Variants in NCAPD3 observed in about 807,000 individuals in gnomAD.
The protein encoded by NCAPD3 is condensin-2 complex subunit D3.
In NCAPD3, 105 loss-of-function variants were observed where a neutral mutation model predicts 182.9. The ratio of observed to expected loss-of-function variants is 0.57; its 90% CI spans 0.49 to 0.68. NCAPD3 has a LOEUF of 0.68. NCAPD3 is among the 30% of genes least tolerant of loss of function. The pLI, the probability that NCAPD3 is intolerant of heterozygous loss-of-function variation, is 0.00. For synonymous variants in NCAPD3, 815 were observed against 679.9 expected (o/e 1.20, Z -3.09); for missense variants, 1,944 against 1,837.0 (o/e 1.06, Z -1.07).
intron 3 of NCAPD3, among the ~76,000 whole-genome samples, chr11:134,212,255 T>C (rs1417092268): frequency 1.3e-5 from 2 of 152,252 alleles, no homozygotes; most frequent in East Asian, 1.9e-4. Context: ...AAGCTGTTTA[T>C]CTTGTTTCTA....
Position 134,178,873 on chromosome 11 carries a change from T to G in NCAPD3, c.2623A>C (p.Ile875Leu), listed in dbSNP as rs1157524938. The G allele has an allele frequency of 6.2e-7, 1 of 1,614,142 alleles. No homozygotes were observed. Among genetic ancestry groups the G allele is most frequent in the East Asian group, 2.2e-5 (1 of 44,890 alleles). ...QLCPARVEKR[I>L]FLLIQSVLAS... ...AGGACGGACTGAATCAGAAGGAAGA[T>G]GCGCTTCTCCACCCTGGCTGGACAC... The change falls in exon 21 of 35, where the codon ATC (isoleucine) becomes CTC (leucine). Residue 875 changes from isoleucine (I) to leucine (L), a missense_variant. Ile to Leu is a conservative substitution (Grantham distance 5). Transcript: ENST00000534548.
rs184057341 is a variant in NCAPD3 at position 134,188,588 on chromosome 11, G to A, written c.2046-3062C>T. Among the ~76,000 whole-genome samples, 18 of 152,250 alleles carry A rather than the reference G, an allele frequency of 1.2e-4. No individual in the cohort carries two copies. In the East Asian group the frequency reaches 3.5e-3, roughly 29 times the overall value. On this transcript the variant is annotated intron_variant, in intron 16 of 34. Coordinates refer to ENST00000534548, the MANE Select transcript of NCAPD3 (RefSeq NM_015261.3). ...AGTGAGATGACAAACCCACCAGGAG[G>A]AACAAACAACTCCGGATGTGCCACC...
intron 20 of NCAPD3, among the ~76,000 whole-genome samples, chr11:134,180,638 T>A (rs968216750): frequency 6.6e-6 from 1 of 152,244 alleles, no homozygotes; most frequent in African/African-American, 2.4e-5. Context: ...CAGTCATTAC[T>A]TGGCAATTGC....
chr11:134,167,134 T>A (rs1211490867), intron 27 of NCAPD3, among the ~76,000 whole-genome samples: 1 of 112,738 alleles, frequency 8.9e-6, no homozygotes, highest in Non-Finnish European at 1.8e-5. Flanking sequence ...TGAGATGAGC[T>A]TGGGGGAGGG....
At chr11:134,155,415 G>C (rs1033175795) in intron 32 of NCAPD3, among the ~76,000 whole-genome samples, 1 of 152,132 alleles carries the variant, frequency 6.6e-6, no homozygotes, top group Non-Finnish European at 1.5e-5. Context: ...ATTTCTTCCT[G>C]GTTCAGTATA....
At chr11:134,162,407 A>G (rs942876578) in intron 27 of NCAPD3, among the ~76,000 whole-genome samples, 34 of 152,308 alleles carry the variant, frequency 2.2e-4, no homozygotes, top group African/African-American at 8.2e-4. Context: ...ATGAATTTAT[A>G]TATATAGTAC....
chr11:134,169,530 G>A (rs1425902377), intron 24 of NCAPD3, among the ~76,000 whole-genome samples: 2 of 152,158 alleles, frequency 1.3e-5, no homozygotes, highest in South Asian at 2.1e-4. Context: ...CAAGAATAAG[G>A]ATTAATGACA....
At chr11:134,167,848 G>A in intron 27 of NCAPD3, 148 bp downstream of exon 27, 2 of 777,582 alleles carry the variant, frequency 2.6e-6, no homozygotes, top group Non-Finnish European at 4.2e-6. Context: ...ATGAGCTTGG[G>A]GGAGCAGCAC....
chr11:134,206,648 C>G lies in NCAPD3; in HGVS notation c.967G>C (p.Val323Leu). 6.2e-7 allele frequency: 1 copy of G among 1,613,678 alleles called. No individual in the cohort carries two copies. Among genetic ancestry groups the G allele is most frequent in the Non-Finnish European group, 8.5e-7 (1 of 1,179,866 alleles). The change falls in exon 8 of 35, where the codon GTT becomes CTT. Residue 323 changes from valine to leucine, a missense_variant. By Grantham distance (32) the Val-to-Leu change is conservative (BLOSUM62 1). Transcript: ENST00000534548. ...CTACAGTTGATGACTTGGGAGGTAA[C>G]AGCAAGGGGGGCACGATGGGATCCT... Reference protein sequence around the residue: ...GEGSHRAPLAVTSQVINCRNQ... With the variant: ...GEGSHRAPLALTSQVINCRNQ...
chr11:134,188,284 C>T (rs1176105740), intron 16 of NCAPD3, among the ~76,000 whole-genome samples: 3 of 152,052 alleles, frequency 2.0e-5, no homozygotes, highest in African/African-American at 7.2e-5. Flanking sequence ...TCTGTAAAAA[C>T]GTACCAATCA....
chr11:134,181,296 G>C (rs1334553408), intron 19 of NCAPD3, 112 bp from the exon 20 acceptor site: 3 of 674,812 alleles, frequency 4.4e-6, no homozygotes, highest in Non-Finnish European at 7.5e-6. Context: ...GGCTGTAGGG[G>C]TGCTTCCTAG....
chr11:134,155,652 A>T (rs1943398599), intron 32 of NCAPD3, among the ~76,000 whole-genome samples: 1 of 152,178 alleles, frequency 6.6e-6, no homozygotes. Flanking sequence ...ACTCAGGATG[A>T]GCACAACGAA....
chr11:134,221,073 C>A (rs754407103), intron 1 of NCAPD3, among the ~76,000 whole-genome samples: 66 of 152,276 alleles, frequency 4.3e-4, no homozygotes, highest in Middle Eastern at 3.4e-3. Flanking sequence ...TCAGATTGCC[C>A]ACGAGGTTCC....
At chr11:134,223,810 G>A in intron 1 of NCAPD3, 53 bp downstream of exon 1, 3 of 1,583,488 alleles carry the variant, frequency 1.9e-6, no homozygotes, top group Non-Finnish European at 2.6e-6. Context: ...CATCGTCGGG[G>A]ACGCATAGGA....
chr11:134,158,276 G>T, intron 30 of NCAPD3, 53 bp downstream of exon 30: 1 of 1,605,210 alleles, frequency 6.2e-7, no homozygotes, highest in South Asian at 1.1e-5. Flanking sequence ...GGACGCCTCT[G>T]AGAACATCGC....
rs1943257591 is a variant in NCAPD3, at chr11:134,152,126, T to C, written c.*818A>G. On this transcript the variant is annotated 3_prime_UTR_variant, in exon 35 of 35. Transcript: ENST00000534548. ...TAGCATTCAGTTTACCCACTAGTGC[T>C]AACAGAAGAGACTCAAGCTGTTCCC... 6.6e-6 allele frequency: 1 copy of C among 152,260 alleles called. No homozygotes were observed. Among genetic ancestry groups the C allele is most frequent in the African/African-American group, 2.4e-5 (1 of 41,462 alleles). 9.4% of individuals were successfully genotyped at this position (152,260 alleles called of 1,614,324 possible). A position where few individuals can be genotyped will look rare whatever the true frequency, so the allele number is the denominator to read the frequency against.
At chr11:134,171,344 C>A (rs1483214621) in intron 24 of NCAPD3, among the ~76,000 whole-genome samples, 2 of 152,160 alleles carry the variant, frequency 1.3e-5, no homozygotes, top group Non-Finnish European at 2.9e-5. Context: ...GAATCGAAAT[C>A]CAGGATATTC....
chr11:134,198,276 C>T (rs1451116038), intron 13 of NCAPD3, among the ~76,000 whole-genome samples: 2 of 152,204 alleles, frequency 1.3e-5, no homozygotes, highest in African/African-American at 4.8e-5. Flanking sequence ...GTCTCCACCA[C>T]CCTTTATCTT....
chr11:134,194,197 C>T (rs1591848615), intron 14 of NCAPD3, 47 bp from the exon 15 acceptor site: 2 of 1,579,840 alleles, frequency 1.3e-6, no homozygotes, highest in Admixed American at 1.7e-5. Context: ...ATAGCATCAA[C>T]TCACAAAGAT....
Sources: gnomAD v4.1 joint callset for allele counts (sites outside exome capture counted in the v4.1 genomes callset) on GRCh38, gnomAD v4.1.1 for gene constraint, MANE v1.5 for transcripts, NCBI Gene and HGNC (gene_info 2026-07-23, HGNC 2026-07-21) for gene names.